RCSD1: variants seen among roughly 807,000 people sequenced by gnomAD.
RCSD1 encodes capZ-interacting protein.
Under a neutral mutation model 42.5 loss-of-function variants are expected in RCSD1, and 26 were observed. The ratio of observed to expected loss-of-function variants is 0.61; its 90% CI spans 0.45 to 0.85. The LOEUF is 0.85. RCSD1 is among the 40% of genes least tolerant of loss of function. The probability of loss-of-function intolerance (pLI) is 0.00; values close to 1 mark genes in which losing one functional copy is unlikely to be tolerated. For synonymous variants in RCSD1, 220 were observed against 212.2 expected (o/e 1.04, Z -0.32); for missense variants, 571 against 528.3 (o/e 1.08, Z -0.79).
chr1:167,633,421 C>A (rs1657753271), intron 1 of RCSD1, among the ~76,000 whole-genome samples: 2 of 152,186 alleles, frequency 1.3e-5, no homozygotes, highest in African/African-American at 4.8e-5. Flanking sequence ...ACAGGGAGAA[C>A]ATGCCAGCTT....
chr1:167,704,501 TA>T (rs34762939), intron 6 of RCSD1, among the ~76,000 whole-genome samples, 162 bp from the exon 7 acceptor site: 11 of 151,932 alleles, frequency 7.2e-5, no homozygotes, highest in African/African-American at 9.7e-5. Flanking sequence ...AGTCAATGCA[TA>T]AAAAAAACTA....
chr1:167,702,265 C>T (rs1319820162), intron 6 of RCSD1, among the ~76,000 whole-genome samples: 2 of 152,188 alleles, frequency 1.3e-5, no homozygotes, highest in African/African-American at 4.8e-5. Flanking sequence ...GCGCCAAAGG[C>T]ATCAGACGTG....
At chr1:167,651,612 T>C (rs950053070) in intron 1 of RCSD1, among the ~76,000 whole-genome samples, 2 of 152,130 alleles carry the variant, frequency 1.3e-5, no homozygotes, top group African/African-American at 4.8e-5. Flanking sequence ...TGCCCTTCTA[T>C]CTTCTTGGCC....
At chr1:167,680,463 T>C (rs1659054221) in intron 1 of RCSD1, among the ~76,000 whole-genome samples, 1 of 151,624 alleles carries the variant, frequency 6.6e-6, no homozygotes, top group Non-Finnish European at 1.5e-5. Context: ...TTTGTTTTTG[T>C]TTTTGTTTTT....
At position 167,650,489 on chromosome 1, in the gene RCSD1, G is replaced by T. The variant is rs550636537; in HGVS notation, c.6+20060G>T. ...TGTGTTTGAAGCCACCAGCCAGGGG[G>T]TAGGCAGGATTTCCTGACTCTCGAG... On this transcript the variant is annotated intron_variant, in intron 1 of 6. Coordinates refer to ENST00000367854, the MANE Select transcript of RCSD1 (RefSeq NM_052862.4). Among the ~76,000 whole-genome samples, 197 of 152,298 alleles carry T rather than the reference G, an allele frequency of 1.3e-3. 1 individual carries two copies. Among genetic ancestry groups the T allele is most frequent in the Non-Finnish European group, 2.4e-3 (165 of 68,030 alleles).
chr1:167,657,212 T>C (rs1358770680), intron 1 of RCSD1, among the ~76,000 whole-genome samples: 3 of 152,248 alleles, frequency 2.0e-5, no homozygotes, highest in Non-Finnish European at 4.4e-5. Flanking sequence ...GGTGAATACA[T>C]GACTCCTTTG....
At chr1:167,644,788 C>T (rs537270491) in intron 1 of RCSD1, among the ~76,000 whole-genome samples, 21 of 152,126 alleles carry the variant, frequency 1.4e-4, no homozygotes, top group Non-Finnish European at 2.2e-4. Flanking sequence ...AAAACAGCTG[C>T]GGGGATTGGA....
At chr1:167,701,268 CT>C (rs2101725310) in intron 6 of RCSD1, among the ~76,000 whole-genome samples, 1 of 133,274 alleles carries the variant, frequency 7.5e-6, no homozygotes, top group Non-Finnish European at 1.6e-5. Flanking sequence ...TTCTTTCTTT[CT>C]TTCTTTCTTT....
intron 3 of RCSD1, among the ~76,000 whole-genome samples, chr1:167,688,525 A>C (rs1659292156): frequency 6.6e-6 from 1 of 152,210 alleles, no homozygotes; most frequent in African/African-American, 2.4e-5. Flanking sequence ...AGTCCTTAGA[A>C]TCATTTATTC....
intron 1 of RCSD1, among the ~76,000 whole-genome samples, chr1:167,674,633 G>C (rs764679042): frequency 6.6e-6 from 1 of 152,118 alleles, no homozygotes; most frequent in African/African-American, 2.4e-5. Context: ...CCCACCTCCT[G>C]TCTTCCTATC....
intron 1 of RCSD1, among the ~76,000 whole-genome samples, chr1:167,637,922 C>A (rs907038686): frequency 1.3e-5 from 2 of 152,228 alleles, no homozygotes; most frequent in Admixed American, 6.5e-5. Context: ...AGCAGCCAAC[C>A]ACATGCATCA....
chr1:167,688,915 A>G (rs1659306366), intron 3 of RCSD1, among the ~76,000 whole-genome samples: 1 of 152,082 alleles, frequency 6.6e-6, no homozygotes, highest in Non-Finnish European at 1.5e-5. Context: ...CTTCATCATC[A>G]TCATCCTATC....
intron 1 of RCSD1, among the ~76,000 whole-genome samples, chr1:167,662,217 A>T (rs543687577): frequency 1.3e-5 from 2 of 152,354 alleles, no homozygotes; most frequent in South Asian, 4.1e-4. Flanking sequence ...ATGGCAAAAA[A>T]GTAACAGGAA....
chr1:167,697,943 G>C, intron 6 of RCSD1, 101 bp downstream of exon 6: 1 of 1,273,816 alleles, frequency 7.9e-7, no homozygotes. Context: ...AAATCAGCTC[G>C]ACATGCAGAA....
chr1:167,706,691 G>GA lies in RCSD1; in HGVS notation c.*2002dup, dbSNP rs950565726. ...AGTCACATTATTTGGTGTATTTTGTGAAAAAAATAGAGGCCCCATTCCCAG... is the reference window on the plus strand; with the variant it reads ...AGTCACATTATTTGGTGTATTTTGTGAAAAAAAATAGAGGCCCCATTCCCAG... On this transcript the variant is annotated 3_prime_UTR_variant, in exon 7 of 7. Coordinates refer to ENST00000367854, the MANE Select transcript of RCSD1 (RefSeq NM_052862.4). 6.6e-5 allele frequency among the ~76,000 whole-genome samples: 10 copies of GA among 151,978 alleles called. No individual in the cohort carries two copies. Among genetic ancestry groups the GA allele is most frequent in the African/African-American group, 2.2e-4 (9 of 41,390 alleles).
intron 5 of RCSD1, among the ~76,000 whole-genome samples, chr1:167,696,826 A>G (rs1659507949): frequency 6.6e-6 from 1 of 152,178 alleles, no homozygotes; most frequent in Non-Finnish European, 1.5e-5. Context: ...CAGTGCAATA[A>G]AATCATGAGT....
intron 1 of RCSD1, chr1:167,664,563 A>T (rs1436009900): frequency 6.6e-6 from 1 of 152,242 alleles, no homozygotes; most frequent in Non-Finnish European, 1.5e-5. Flanking sequence ...TGACAAATGT[A>T]TACAGTCATA....
At position 167,706,086 on chromosome 1, in the gene RCSD1, T is replaced by C. The variant is rs902662568; in HGVS notation, c.*1390T>C. On this transcript the variant is annotated 3_prime_UTR_variant, in exon 7 of 7. Coordinates refer to ENST00000367854, the MANE Select transcript of RCSD1 (RefSeq NM_052862.4). ...GGTACCTCAGTTTCCTCATCCCATT[T>C]ACAGTTTTTCTAACTCCAGGGTAGT... 2.0e-5 allele frequency: 3 copies of C among 152,244 alleles called. No homozygotes were observed. Among genetic ancestry groups the C allele is most frequent in the African/African-American group, 7.2e-5 (3 of 41,468 alleles). 9.4% of individuals were successfully genotyped at this position (152,244 alleles called of 1,614,324 possible).
At chr1:167,687,800 G>T (rs1476085819) in intron 3 of RCSD1, among the ~76,000 whole-genome samples, 1 of 152,228 alleles carries the variant, frequency 6.6e-6, no homozygotes, top group Non-Finnish European at 1.5e-5. Context: ...CCCCCTGACA[G>T]CACCTGCTGA....
Sources: gnomAD v4.1 joint callset for allele counts (sites outside exome capture counted in the v4.1 genomes callset) on GRCh38, gnomAD v4.1.1 for gene constraint, MANE v1.5 for transcripts, NCBI Gene and HGNC (gene_info 2026-07-23, HGNC 2026-07-21) for gene names.